The following ZNF638 variants were observed in gnomAD, a reference collection of about 807,000 sequenced individuals.
ZNF638 encodes zinc finger protein 638.
A neutral mutation model predicts 195.6 loss-of-function variants in ZNF638; 46 were observed. The ratio of observed to expected loss-of-function variants is 0.24; its 90% CI spans 0.19 to 0.30. The LOEUF is 0.30. Among genes scored for constraint, ZNF638 ranks in the 10% least tolerant of loss-of-function variants. ZNF638 has a pLI of 1.00. For missense variants in ZNF638, 2,440 were observed against 2,325.3 expected (o/e 1.05, Z -1.01); for synonymous variants, 845 against 772.0 (o/e 1.09, Z -1.57).
At chr2:71,410,246 A>G (rs1038739279) in intron 20 of ZNF638, among the ~76,000 whole-genome samples, 13 of 152,326 alleles carry the variant, frequency 8.5e-5, no homozygotes, top group East Asian at 1.9e-4. Context: ...CCATGGTTCA[A>G]TCATGGCCCA....
At position 71,369,920 on chromosome 2, in the gene ZNF638, C is replaced by G; in HGVS notation, c.2180C>G (p.Ala727Gly). 3 of 1,591,102 alleles carry G rather than the reference C, an allele frequency of 1.9e-6. No homozygotes were observed. ...LEMEFKEAITAIMKYIETTPL... is the reference protein window; with the variant it reads ...LEMEFKEAITGIMKYIETTPL... Reference sequence around the variant, plus strand: ...ATGGAATTTAAAGAGGCAATTACTGCAATTATGAAGTACATTGAAACAACA... The same window carrying G: ...ATGGAATTTAAAGAGGCAATTACTGGAATTATGAAGTACATTGAAACAACA... The change falls in exon 8 of 28, where the codon GCA becomes GGA. Residue 727 changes from alanine (A) to glycine (G), a missense_variant. Coordinates refer to ENST00000264447, the MANE Select transcript of ZNF638 (RefSeq NM_014497.5).
At position 71,349,273 on chromosome 2, in the gene ZNF638, G is replaced by A; in HGVS notation, c.319G>A (p.Glu107Lys). 1 of 1,614,148 alleles carries A rather than the reference G, an allele frequency of 6.2e-7. No individual in the cohort carries two copies. The highest frequency in any genetic ancestry group is 1.6e-4 in the Middle Eastern group (1 of 6,062). The change falls in exon 2 of 28, where the codon GAG becomes AAG. Residue 107 changes from glutamate to lysine, a missense_variant. Transcript: ENST00000264447. The part of the protein sequence containing the change: ...GKPHGSRWDD[E>K]PHISASVAVK... ...GCCTCATGGTAGCCGGTGGGATGAT[G>A]AGCCTCATATATCTGCATCAGTGGC... is the stretch of plus-strand genomic sequence containing the variant.
intron 10 of ZNF638, among the ~76,000 whole-genome samples, chr2:71,392,733 A>G (rs2079807933): frequency 6.6e-6 from 1 of 151,780 alleles, no homozygotes; most frequent in Non-Finnish European, 1.5e-5. Flanking sequence ...CAGCTTACCC[A>G]AAGACTGGGT....
chr2:71,363,628 T>G (rs2670756), intron 4 of ZNF638, among the ~76,000 whole-genome samples: 1 of 152,254 alleles, frequency 6.6e-6, no homozygotes, highest in Non-Finnish European at 1.5e-5. Context: ...TTTCCTAAAT[T>G]CTTTACATAA....
rs767087150 is a variant in ZNF638 at position 71,349,256 on chromosome 2, G to A, written c.302G>A (p.Gly101Asp). Residue 101 changes from glycine to aspartate, a missense_variant, in exon 2 of 28, where the codon GGT becomes GAT. Around this residue, in one of 5 missense-constraint regions of ZNF638, gnomAD observed 191 missense variants for 173.8 expected, o/e 1.10. Coordinates refer to ENST00000264447, the MANE Select transcript of ZNF638 (RefSeq NM_014497.5). ...CAACAGAAGAAGGGGAAGCCTCATG[G>A]TAGCCGGTGGGATGATGAGCCTCAT... ...EAQQKKGKPH[G>D]SRWDDEPHIS... is the part of the protein sequence containing the mutation. 1 of 1,614,068 alleles carries A rather than the reference G, an allele frequency of 6.2e-7. No individual in the cohort carries two copies. The highest frequency in any genetic ancestry group is 8.5e-7 in the Non-Finnish European group (1 of 1,180,042).
At chr2:71,388,502 G>A in intron 10 of ZNF638, 1 of 702,870 alleles carries the variant, frequency 1.4e-6, no homozygotes, top group Non-Finnish European at 2.6e-6. Flanking sequence ...ATAAATACAA[G>A]CAGCTCCAGC....
At chr2:71,412,681 A>G (rs1350742294) in intron 20 of ZNF638, among the ~76,000 whole-genome samples, 1 of 87,476 alleles carries the variant, frequency 1.1e-5, no homozygotes, top group Non-Finnish European at 2.2e-5. Context: ...ATCCAGTTTC[A>G]GCTTTCTACA....
chr2:71,345,181 G>T (rs1425410998), intron 1 of ZNF638, among the ~76,000 whole-genome samples: 2 of 152,028 alleles, frequency 1.3e-5, no homozygotes, highest in African/African-American at 2.4e-5. Flanking sequence ...GTTATCACAG[G>T]TATGGATATA....
rs11900873 is a variant in ZNF638 at position 71,427,957 on chromosome 2, C to T, written c.5545+543C>T. On this transcript the variant is annotated intron_variant, in intron 24 of 27. Transcript: ENST00000264447. ...CCGTAATCTCAGCACTTTGGGAAGC[C>T]GAGGTGGGAGGATCGCTTGAGGCCA... Among the ~76,000 whole-genome samples the T allele has an allele frequency of 5.9e-3, 890 of 152,126 alleles. 12 individuals are homozygous for T. The highest frequency in any genetic ancestry group is 0.019 in the African/African-American group (779 of 41,502).
At position 71,399,587 on chromosome 2, in the gene ZNF638, A is replaced by G. The variant is rs908271395; in HGVS notation, c.2529A>G (p.Glu843=). ...TAKSGGKKSL[E]AKKTGNVKNK... ...AATCTGGTGGAAAGAAGTCTCTAGA[A>G]GCCAAAAAGACTGGGAATGTCAAAA... The change falls in exon 13 of 28, where the codon GAA becomes GAG. Residue 843 remains glutamate (E), a synonymous_variant. Transcript: ENST00000264447. 1 of 1,612,816 alleles carries G rather than the reference A, an allele frequency of 6.2e-7. No individual in the cohort carries two copies. The highest frequency in any genetic ancestry group is 1.3e-5 in the African/African-American group (1 of 74,804).
chr2:71,355,618 T>G, intron 2 of ZNF638, 101 bp from the exon 3 acceptor site: 1 of 892,586 alleles, frequency 1.1e-6, no homozygotes, highest in East Asian at 2.9e-5. Context: ...GTACGTTTGT[T>G]TAATTTTTGA....
At chr2:71,344,532 G>GGTCCTTCCTTACTTAGAACAATGAT (rs138380730) in intron 1 of ZNF638, among the ~76,000 whole-genome samples, 15,025 of 152,162 alleles carry the variant, frequency 0.099, 802 homozygotes, top group Non-Finnish European at 0.12. Flanking sequence ...TAATATCTTT[G>GGTCCTTCCTTACTTAGAACAATGAT]GTCAGTAATT....
At position 71,426,894 on chromosome 2, in the gene ZNF638, C is replaced by T; in HGVS notation, c.5025C>T (p.Leu1675=). 6.2e-7 allele frequency: 1 copy of T among 1,614,174 alleles called. No individual in the cohort carries two copies. Among genetic ancestry groups the T allele is most frequent in the East Asian group, 2.2e-5 (1 of 44,874 alleles). Residue 1675 remains leucine, a synonymous_variant, in exon 24 of 28, where the codon CTC becomes CTT. Coordinates refer to ENST00000264447, the MANE Select transcript of ZNF638 (RefSeq NM_014497.5). ...VLSVAEEQDL[L]KQERLVTVDE... ...CAGTGGCTGAAGAACAAGATCTCCT[C>T]AAACAGGAACGCTTGGTAACTGTGG...
intron 7 of ZNF638, among the ~76,000 whole-genome samples, chr2:71,369,320 CT>C (rs1442155328): frequency 1.3e-4 from 10 of 75,070 alleles, no homozygotes; most frequent in Non-Finnish European, 2.3e-4. Flanking sequence ...AAGGCTCCGT[CT>C]CAAAAAAAAA....
intron 17 of ZNF638, 76 bp downstream of exon 17, chr2:71,404,074 A>T (rs965424983): frequency 4.2e-6 from 6 of 1,440,244 alleles, no homozygotes; most frequent in Non-Finnish European, 2.8e-6. Flanking sequence ...TATGTTTTCT[A>T]GTTTTCCACT....
rs181747738 is a variant in ZNF638, at chr2:71,374,267, A to G, written c.2265+4262A>G. ...ATGGGAGCCAGTTAGCCTCAACACT[A>G]TTTATGCCTAATTTATCCTTGTTGA... On this transcript the variant is annotated intron_variant, in intron 8 of 27. Coordinates refer to ENST00000264447, the MANE Select transcript of ZNF638 (RefSeq NM_014497.5). Among the ~76,000 whole-genome samples, 16 of 152,336 alleles carry G rather than the reference A, an allele frequency of 1.1e-4. No individual in the cohort carries two copies. In the South Asian group the frequency reaches 1.4e-3, roughly 14 times the overall value.
Position 71,352,721 on chromosome 2 carries a change from G to C in ZNF638, c.1317+2450G>C, listed in dbSNP as rs1022717248. On this transcript the variant is annotated intron_variant, in intron 2 of 27. Coordinates refer to ENST00000264447, the MANE Select transcript of ZNF638 (RefSeq NM_014497.5). ...TTGTTGATAAGTGAAGTGACATGTT[G>C]GAAGTATATTTTAGGGAGATCTGAC... Among the ~76,000 whole-genome samples the C allele has an allele frequency of 2.0e-5, 3 of 152,082 alleles. No individual in the cohort carries two copies. In the South Asian group the frequency reaches 6.2e-4, roughly 31 times the overall value.
At chr2:71,389,922 G>A (rs2079736124) in intron 10 of ZNF638, among the ~76,000 whole-genome samples, 1 of 152,172 alleles carries the variant, frequency 6.6e-6, no homozygotes, top group African/African-American at 2.4e-5. Flanking sequence ...ACTTACACGA[G>A]CACGTCAACT....
intron 20 of ZNF638, among the ~76,000 whole-genome samples, chr2:71,417,255 A>G (rs1296399052): frequency 6.6e-6 from 1 of 151,320 alleles, no homozygotes; most frequent in Non-Finnish European, 1.5e-5. Context: ...TGCGTCCGTC[A>G]CCCCTTTCTT....
Sources: gnomAD v4.1 joint callset for allele counts (sites outside exome capture counted in the v4.1 genomes callset) on GRCh38, gnomAD v4.1.1 for gene constraint, gnomAD v4.1.1 regional missense constraint, MANE v1.5 for transcripts, NCBI Gene and HGNC (gene_info 2026-07-23, HGNC 2026-07-21) for gene names.